KLHL36: variants seen among roughly 807,000 people sequenced by gnomAD.
The protein encoded by KLHL36 is kelch like family member 36.
Under a neutral mutation model 53.3 loss-of-function variants are expected in KLHL36, and 35 were observed. That is an observed-to-expected ratio of 0.66 (90% confidence interval 0.50 to 0.87). The LOEUF (loss-of-function observed/expected upper bound fraction) is 0.87, where lower values mean the gene tolerates loss of function less well. Ranked by LOEUF, KLHL36 falls within the 40% of genes least tolerant of loss-of-function variation. KLHL36 has a pLI of 0.00. For synonymous variants in KLHL36, 472 were observed against 398.9 expected (o/e 1.18, Z -2.18); for missense variants, 864 against 897.6 (o/e 0.96, Z 0.48).
chr16:84,653,216 CA>C (rs896877249), intron 2 of KLHL36, among the ~76,000 whole-genome samples: 46 of 144,304 alleles, frequency 3.2e-4, no homozygotes, highest in South Asian at 4.4e-4. Flanking sequence ...GACCCTGTCT[CA>C]AAAAAAAAAA....
rs749186652 is a variant in KLHL36, at chr16:84,657,147, G to A, written c.340G>A (p.Gly114Ser). Residue 114 changes from glycine (G) to serine (S), a missense_variant, in exon 3 of 5, where the codon GGC becomes AGC. By Grantham distance (56) the Gly-to-Ser change is moderately conservative. Coordinates refer to ENST00000564996, the MANE Select transcript of KLHL36 (RefSeq NM_024731.4). ...LYGGELVLDG[G>S]NIDYVLETAH... Reference sequence around the variant, plus strand: ...CGGCGGGGAGCTGGTGCTGGATGGCGGCAACATTGACTACGTCCTGGAGAC... The same window carrying A: ...CGGCGGGGAGCTGGTGCTGGATGGCAGCAACATTGACTACGTCCTGGAGAC... The A allele has an allele frequency of 6.2e-6, 10 of 1,614,156 alleles. No individual in the cohort carries two copies. Among genetic ancestry groups the A allele is most frequent in the East Asian group, 4.5e-5 (2 of 44,888 alleles).
In KLHL36 at chr16:84,666,783, T is replaced by C. The variant is rs1422073998; in HGVS notation, c.*4650T>C. 1.3e-5 allele frequency: 2 copies of C among 152,042 alleles called. No individual in the cohort carries two copies. The highest frequency in any genetic ancestry group is 1.3e-4 in the Admixed American group (2 of 15,260). The allele number at this position is 152,042 out of a possible 1,614,324, so 9.4% of individuals were successfully genotyped here. A position where few individuals can be genotyped will look rare whatever the true frequency, so the allele number is the denominator to read the frequency against. On this transcript the variant is annotated 3_prime_UTR_variant, in exon 5 of 5. Coordinates refer to ENST00000564996, the MANE Select transcript of KLHL36 (RefSeq NM_024731.4). Reference sequence around the variant, plus strand: ...TGTGGGGGTCTCAAGAAATTGTCCTTTGGGGCCGGGCGCAGTGGCTCACGC... The same window carrying C: ...TGTGGGGGTCTCAAGAAATTGTCCTCTGGGGCCGGGCGCAGTGGCTCACGC...
chr16:84,654,533 T>G (rs974592827), intron 2 of KLHL36, among the ~76,000 whole-genome samples: 9 of 152,210 alleles, frequency 5.9e-5, no homozygotes, highest in Non-Finnish European at 1.3e-4. Flanking sequence ...ACACCTGTAG[T>G]CCCAGCTGCC....
At chr16:84,654,459 G>A (rs1907084516) in intron 2 of KLHL36, among the ~76,000 whole-genome samples, 1 of 152,196 alleles carries the variant, frequency 6.6e-6, no homozygotes, top group African/African-American at 2.4e-5. Flanking sequence ...ACCAGCCTGG[G>A]CAATGTAGTG....
At position 84,666,574 on chromosome 16, in the gene KLHL36, C is replaced by T. The variant is rs1907846133; in HGVS notation, c.*4441C>T. 1 of 152,162 alleles carries T rather than the reference C, an allele frequency of 6.6e-6. No individual in the cohort carries two copies. Among genetic ancestry groups the T allele is most frequent in the Non-Finnish European group, 1.5e-5 (1 of 68,048 alleles). The allele number at this position is 152,162 out of a possible 1,614,324, so 9.4% of individuals were successfully genotyped here. ...TTTGCCATACGGGTCATTTCTTGAT[C>T]AAATATATGACTGGGGTCCTGGTTT... is the stretch of plus-strand genomic sequence containing the variant. On this transcript the variant is annotated 3_prime_UTR_variant, in exon 5 of 5. Coordinates refer to ENST00000564996, the MANE Select transcript of KLHL36 (RefSeq NM_024731.4).
In KLHL36 at chr16:84,662,640, T is replaced by G. The variant is rs1314600651; in HGVS notation, c.*507T>G. ...CTGTATTTTAACTAGTTCTTGGAAT[T>G]CTGGGTATTAGTCACATCTGGGAAT... On this transcript the variant is annotated 3_prime_UTR_variant, in exon 5 of 5. Coordinates refer to ENST00000564996, the MANE Select transcript of KLHL36 (RefSeq NM_024731.4). The G allele has an allele frequency of 6.5e-6, 1 of 153,858 alleles. No individual in the cohort carries two copies. The highest frequency in any genetic ancestry group is 1.4e-5 in the Non-Finnish European group (1 of 69,166). The allele number at this position is 153,858 out of a possible 1,614,324, so 9.5% of individuals were successfully genotyped here. A position where few individuals can be genotyped will look rare whatever the true frequency, so the allele number is the denominator to read the frequency against.
rs999114519 is a variant in KLHL36 at position 84,661,134 on chromosome 16, T to C, written c.1296-444T>C. On this transcript the variant is annotated intron_variant, in intron 4 of 4. Transcript: ENST00000564996. This position sits in a 1 kb window ranked among gnomAD's most constrained non-coding sequence, Gnocchi z 7.9. ...CAGTCCTGGCAGCCACTGATTTTGC[T>C]GTCTCTATGGTTTTAGGCAAAACTT... 2.0e-5 allele frequency among the ~76,000 whole-genome samples: 3 copies of C among 152,212 alleles called. No individual in the cohort carries two copies. The highest frequency in any genetic ancestry group is 7.2e-5 in the African/African-American group (3 of 41,464).
chr16:84,662,257 T>A lies in KLHL36; in HGVS notation c.*124T>A. 1 of 855,858 alleles carries A rather than the reference T, an allele frequency of 1.2e-6. No individual in the cohort carries two copies. The highest frequency in any genetic ancestry group is 1.7e-6 in the Non-Finnish European group (1 of 573,500). The allele number at this position is 855,858 out of a possible 1,614,324, so 53.0% of individuals were successfully genotyped here. A position where few individuals can be genotyped will look rare whatever the true frequency, so the allele number is the denominator to read the frequency against. The stretch of plus-strand genomic sequence containing the variant: ...TAGCAGCTTTTTTTACTTTTATGAT[T>A]CTTGGTATTTCTATGATATCACAGT... On this transcript the variant is annotated 3_prime_UTR_variant, in exon 5 of 5. Transcript: ENST00000564996.
chr16:84,666,674 C>G lies in KLHL36; in HGVS notation c.*4541C>G, dbSNP rs1420003146. 1 of 152,190 alleles carries G rather than the reference C, an allele frequency of 6.6e-6. No homozygotes were observed. The highest frequency in any genetic ancestry group is 1.5e-5 in the Non-Finnish European group (1 of 68,040). The allele number at this position is 152,190 out of a possible 1,614,324, so 9.4% of individuals were successfully genotyped here. On this transcript the variant is annotated 3_prime_UTR_variant, in exon 5 of 5. Coordinates refer to ENST00000564996, the MANE Select transcript of KLHL36 (RefSeq NM_024731.4). ...AAGCGGAAACAATGAACCATTCTTG[C>G]ACTTTACAGAATCATTGTCCTTAGC...
rs1371591235 is a variant in KLHL36, at chr16:84,648,564, G to A, written c.-102G>A. On this transcript the variant is annotated 5_prime_UTR_variant, in exon 1 of 5. Transcript: ENST00000564996. The surrounding 1 kb of genome is among the most constrained non-coding windows in gnomAD (Gnocchi z 4.9). ...TGGCTGCGCAGCGGGCTGGCCGGGG[G>A]TCTCCTGAACCCGGGCCCCGCCGCC... 6.8e-6 allele frequency: 1 copy of A among 146,996 alleles called. No individual in the cohort carries two copies. The highest frequency in any genetic ancestry group is 1.5e-5 in the Non-Finnish European group (1 of 65,774). 9.1% of individuals were successfully genotyped at this position (146,996 alleles called of 1,614,324 possible). A position where few individuals can be genotyped will look rare whatever the true frequency, so the allele number is the denominator to read the frequency against.
At chr16:84,653,569 A>G (rs565336223) in intron 2 of KLHL36, among the ~76,000 whole-genome samples, 3 of 152,236 alleles carry the variant, frequency 2.0e-5, no homozygotes, top group South Asian at 2.1e-4. Context: ...CGAGGCCAAC[A>G]TGGTGAAACC....
At chr16:84,659,266 G>C (rs537571655) in intron 3 of KLHL36, 1 of 152,762 alleles carries the variant, frequency 6.5e-6, no homozygotes, top group African/African-American at 2.4e-5. Context: ...GCTTCCCAAA[G>C]TGCCAGGATT....
chr16:84,648,671 C>A lies in KLHL36; in HGVS notation c.-17+22C>A, dbSNP rs1429870814. 3 of 148,110 alleles carry A rather than the reference C, an allele frequency of 2.0e-5. No homozygotes were observed. Among genetic ancestry groups the A allele is most frequent in the Non-Finnish European group, 4.5e-5 (3 of 66,190 alleles). 9.2% of individuals were successfully genotyped at this position (148,110 alleles called of 1,614,324 possible). A position where few individuals can be genotyped will look rare whatever the true frequency, so the allele number is the denominator to read the frequency against. ...CCAGGTGGGCCTCCGCGCGCGCCCA[C>A]CCTCCAGCCCGGGACCGCCAGGAAG... is the stretch of plus-strand genomic sequence containing the variant. On this transcript the variant is annotated intron_variant, in intron 1 of 4. Coordinates refer to ENST00000564996, the MANE Select transcript of KLHL36 (RefSeq NM_024731.4). The surrounding 1 kb of genome is among the most constrained non-coding windows in gnomAD (Gnocchi z 4.9).
In KLHL36 at chr16:84,648,704, C is replaced by A; in HGVS notation, c.-17+55C>A. 6.8e-6 allele frequency: 1 copy of A among 147,386 alleles called. No homozygotes were observed. The highest frequency in any genetic ancestry group is 2.0e-4 in the South Asian group (1 of 4,884). 9.1% of individuals were successfully genotyped at this position (147,386 alleles called of 1,614,324 possible). A position where few individuals can be genotyped will look rare whatever the true frequency, so the allele number is the denominator to read the frequency against. ...CCCGGGACCGCCAGGAAGCCGCGCCCGGCCGGGGCGGGGAGCTGGCGGAGA... is the reference window on the plus strand; with the variant it reads ...CCCGGGACCGCCAGGAAGCCGCGCCAGGCCGGGGCGGGGAGCTGGCGGAGA... On this transcript the variant is annotated intron_variant, in intron 1 of 4. Coordinates refer to ENST00000564996, the MANE Select transcript of KLHL36 (RefSeq NM_024731.4). This position sits in a 1 kb window ranked among gnomAD's most constrained non-coding sequence, Gnocchi z 4.9.
At position 84,661,477 on chromosome 16, in the gene KLHL36, C is replaced by A. The variant is rs2150729007; in HGVS notation, c.1296-101C>A. On this transcript the variant is annotated intron_variant, in intron 4 of 4. Transcript: ENST00000564996. This position sits in a 1 kb window ranked among gnomAD's most constrained non-coding sequence, Gnocchi z 7.9. The stretch of plus-strand genomic sequence containing the variant: ...GTGCCCACTCCCTATATTCTTAAAT[C>A]CTCATGGCCCTCTAAGACGGCAGGC... 6 of 1,195,892 alleles carry A rather than the reference C, an allele frequency of 5.0e-6. No individual in the cohort carries two copies. Among genetic ancestry groups the A allele is most frequent in the Middle Eastern group, 5.9e-4 (2 of 3,416 alleles). 74.1% of individuals were successfully genotyped at this position (1,195,892 alleles called of 1,614,324 possible).
chr16:84,665,538 T>G lies in KLHL36; in HGVS notation c.*3405T>G, dbSNP rs889613. The G allele has an allele frequency of 8.0e-4, 122 of 152,132 alleles. No individual in the cohort carries two copies. Among genetic ancestry groups the G allele is most frequent in the African/African-American group, 2.3e-3 (94 of 41,484 alleles). The allele number at this position is 152,132 out of a possible 1,614,324, so 9.4% of individuals were successfully genotyped here. On this transcript the variant is annotated 3_prime_UTR_variant, in exon 5 of 5. Coordinates refer to ENST00000564996, the MANE Select transcript of KLHL36 (RefSeq NM_024731.4). ...GTTAGCACGCAATTGGTATTTTTAT[T>G]GTTCTGCCATTTTATTGAGGCTATC... is the stretch of plus-strand genomic sequence containing the variant.
In KLHL36 at chr16:84,661,550, CCT is replaced by C; in HGVS notation, c.1296-25_1296-24del. The C allele has an allele frequency of 6.4e-7, 1 of 1,551,244 alleles. No homozygotes were observed. Among genetic ancestry groups the C allele is most frequent in the African/African-American group, 1.4e-5 (1 of 73,526 alleles). ...AAGCCTGGCACAGCCCTGAGCTCTC[CCT>C]CTGTCTCTGCCCGTCGACCCTGCAG... is the stretch of plus-strand genomic sequence containing the variant. On this transcript the variant is annotated intron_variant, in intron 4 of 4. Transcript: ENST00000564996. This position sits in a 1 kb window ranked among gnomAD's most constrained non-coding sequence, Gnocchi z 7.9.
In KLHL36 at chr16:84,664,569, A is replaced by T. The variant is rs368464089; in HGVS notation, c.*2436A>T. On this transcript the variant is annotated 3_prime_UTR_variant, in exon 5 of 5. Coordinates refer to ENST00000564996, the MANE Select transcript of KLHL36 (RefSeq NM_024731.4). ...ACTATGAAGGTGGTTTGTAATTGAC[A>T]TGGCTTTGACCCTAATATTACTAAG... The T allele has an allele frequency of 2.3e-4, 35 of 152,296 alleles. No homozygotes were observed. The highest frequency in any genetic ancestry group is 7.7e-4 in the African/African-American group (32 of 41,560). 9.4% of individuals were successfully genotyped at this position (152,296 alleles called of 1,614,324 possible). A position where few individuals can be genotyped will look rare whatever the true frequency, so the allele number is the denominator to read the frequency against.
intron 2 of KLHL36, among the ~76,000 whole-genome samples, chr16:84,655,668 C>T (rs914333998): frequency 1.4e-5 from 2 of 147,686 alleles, no homozygotes; most frequent in African/African-American, 5.0e-5. Context: ...TGTGCCACTG[C>T]ACTCCAGCCT....
Sources: allele counts gnomAD v4.1 joint callset (sites outside exome capture counted in the v4.1 genomes callset), GRCh38; gene constraint gnomAD v4.1.1; non-coding constraint Gnocchi (gnomAD v3.1); transcripts MANE v1.5; gene names NCBI Gene and HGNC (gene_info 2026-07-23, HGNC 2026-07-21).